The following DEPTOR variants were observed in gnomAD, a reference collection of about 807,000 sequenced individuals.
DEPTOR encodes the protein DEP domain-containing mTOR-interacting protein.
In DEPTOR, 41 loss-of-function variants were observed where a neutral mutation model predicts 41.6. The observed-to-expected ratio is 0.98, with a 90% confidence interval of 0.77 to 1.28. DEPTOR has a LOEUF of 1.28. Ranked by LOEUF, DEPTOR falls within the 50% of genes most tolerant of loss-of-function variation. The pLI, the probability that DEPTOR is intolerant of heterozygous loss-of-function variation, is 0.00. For synonymous variants in DEPTOR, 195 were observed against 192.3 expected, an observed-to-expected ratio of 1.01 and a Z score of -0.12; for missense variants, 514 against 527.9, an observed-to-expected ratio of 0.97 and a Z score of 0.26.
intron 8 of DEPTOR, among the ~76,000 whole-genome samples, chr8:120,014,569 C>T (rs1348753134): frequency 6.6e-6 from 1 of 152,008 alleles, no homozygotes; most frequent in Non-Finnish European, 1.5e-5. Context: ...ACTCTGTTGC[C>T]CAAGCTGGAG....
intron 1 of DEPTOR, among the ~76,000 whole-genome samples, chr8:119,905,696 A>G (rs1252156821): frequency 1.3e-5 from 2 of 150,028 alleles, no homozygotes; most frequent in African/African-American, 4.9e-5. Context: ...AGTGAAGTGC[A>G]GTGGTATGAT....
chr8:120,016,433 G>A (rs911340251), intron 8 of DEPTOR, among the ~76,000 whole-genome samples: 1 of 151,870 alleles, frequency 6.6e-6, no homozygotes, highest in Non-Finnish European at 1.5e-5. Context: ...CAAGTAGCTG[G>A]GATTACAGGT....
intron 3 of DEPTOR, among the ~76,000 whole-genome samples, chr8:119,962,563 T>C (rs890010926): frequency 7.9e-5 from 12 of 152,154 alleles, no homozygotes; most frequent in African/African-American, 2.7e-4. Context: ...GGATCACGCA[T>C]ACTTTATAGG....
chr8:119,974,755 G>C (rs1828676507), intron 4 of DEPTOR, among the ~76,000 whole-genome samples: 1 of 151,488 alleles, frequency 6.6e-6, no homozygotes, highest in African/African-American at 2.4e-5. Flanking sequence ...CTGGGCGACA[G>C]AGCAAGACTC....
chr8:120,002,811 T>TATAA (rs1172358963), intron 5 of DEPTOR, among the ~76,000 whole-genome samples, 166 bp from the exon 6 acceptor site: 3 of 131,208 alleles, frequency 2.3e-5, no homozygotes, highest in South Asian at 2.3e-4. Context: ...TATATATATA[T>TATAA]AATATAAAGT....
At chr8:120,003,781 T>C (rs1238168701) in intron 6 of DEPTOR, among the ~76,000 whole-genome samples, 1 of 152,172 alleles carries the variant, frequency 6.6e-6, no homozygotes, top group East Asian at 1.9e-4. Context: ...AGGCACAAAA[T>C]TGTTGGTGAA....
At chr8:120,009,820 A>G (rs1210545283) in intron 8 of DEPTOR, among the ~76,000 whole-genome samples, 2 of 152,108 alleles carry the variant, frequency 1.3e-5, no homozygotes, top group Non-Finnish European at 2.9e-5. Context: ...CAGGAGAGCA[A>G]GTTTTACTAC....
intron 1 of DEPTOR, among the ~76,000 whole-genome samples, chr8:119,925,799 A>G (rs1408620769): frequency 6.6e-6 from 1 of 151,934 alleles, no homozygotes; most frequent in Non-Finnish European, 1.5e-5. Context: ...TAATTTTTGT[A>G]TTTGCAGTAG....
chr8:119,895,913 A>T (rs1827514640), intron 1 of DEPTOR, among the ~76,000 whole-genome samples: 1 of 152,198 alleles, frequency 6.6e-6, no homozygotes, highest in African/African-American at 2.4e-5. Flanking sequence ...ATCTTATTAG[A>T]TAAGGATGTT....
chr8:120,009,039 A>T lies in DEPTOR; in HGVS notation c.1007A>T (p.Asp336Val), dbSNP rs1165046678. ...GGTTTTCCTCTCTAGATTGTTGGTG[A>T]CGCGGTTGGCTGGGGTTTTGTGGTG... ...YARKTFTIVG[D>V]AVGWGFVVRG... Residue 336 changes from aspartate to valine, a missense_variant, in exon 8 of 9, where the codon GAC becomes GTC. Transcript: ENST00000286234. 1.2e-6 allele frequency: 2 copies of T among 1,614,020 alleles called. No individual in the cohort carries two copies. The highest frequency in any genetic ancestry group is 1.7e-6 in the Non-Finnish European group (2 of 1,179,998).
At chr8:120,035,195 G>A (rs570562479) in intron 8 of DEPTOR, among the ~76,000 whole-genome samples, 10 of 151,832 alleles carry the variant, frequency 6.6e-5, no homozygotes, top group Admixed American at 2.6e-4. Context: ...TGGTGCATGC[G>A]TGTAGTCCCA....
At chr8:119,946,159 G>A (rs1026585397) in intron 3 of DEPTOR, among the ~76,000 whole-genome samples, 1 of 152,008 alleles carries the variant, frequency 6.6e-6, no homozygotes, top group African/African-American at 2.4e-5. Context: ...GAAAACAAAG[G>A]CATTGTTCCA....
intron 8 of DEPTOR, among the ~76,000 whole-genome samples, chr8:120,041,091 TCTC>T (rs1488829023): frequency 6.6e-6 from 1 of 152,006 alleles, no homozygotes; most frequent in Non-Finnish European, 1.5e-5. Context: ...AATCCTTCAT[TCTC>T]CTTCAAGATC....
intron 8 of DEPTOR, among the ~76,000 whole-genome samples, chr8:120,018,709 A>T (rs139342721): frequency 1.5e-4 from 23 of 152,300 alleles, no homozygotes; most frequent in African/African-American, 5.5e-4. Context: ...AGAAAATGAT[A>T]GGGTCAATGA....
chr8:119,929,737 AGCATCATAC>A, intron 2 of DEPTOR, 69 bp from the exon 3 acceptor site: 1 of 1,519,718 alleles, frequency 6.6e-7, no homozygotes. Context: ...ATTCTTAATT[AGCATCATAC>A]TTCGCTTGAG....
chr8:119,937,603 T>C (rs1277451501), intron 3 of DEPTOR, among the ~76,000 whole-genome samples: 5 of 152,204 alleles, frequency 3.3e-5, no homozygotes, highest in Non-Finnish European at 5.9e-5. Context: ...GTTTACACTA[T>C]GTAACTAATG....
intron 5 of DEPTOR, 144 bp from the exon 6 acceptor site, chr8:120,002,833 C>T (rs1296540737): frequency 6.4e-6 from 3 of 468,254 alleles, no homozygotes; most frequent in Admixed American, 9.2e-5. Flanking sequence ...AGTGGCAGAG[C>T]TGCAACTCAA....
intron 8 of DEPTOR, among the ~76,000 whole-genome samples, chr8:120,017,448 T>C (rs1187433576): frequency 3.3e-5 from 5 of 152,240 alleles, no homozygotes; most frequent in Admixed American, 1.3e-4. Flanking sequence ...TATTAAACCC[T>C]GAAATCCCTG....
intron 8 of DEPTOR, among the ~76,000 whole-genome samples, chr8:120,033,081 C>CTTTT (rs35161313): frequency 2.0e-5 from 2 of 98,982 alleles, no homozygotes; most frequent in African/African-American, 7.9e-5. Flanking sequence ...ATATGGAATT[C>CTTTT]TTTTTTTTTT....
Sources: gnomAD v4.1 joint callset for allele counts (sites outside exome capture counted in the v4.1 genomes callset) on GRCh38, gnomAD v4.1.1 for gene constraint, MANE v1.5 for transcripts, NCBI Gene and HGNC (gene_info 2026-07-23, HGNC 2026-07-21) for gene names.